ZFR2: variants seen among roughly 807,000 people sequenced by gnomAD.
ZFR2 encodes zinc finger RNA binding protein 2, also known as zinc finger RNA-binding protein 2.
A neutral mutation model predicts 105.7 loss-of-function variants in ZFR2; 104 were observed. The observed-to-expected ratio is 0.98, with a 90% CI of 0.84 to 1.16. The LOEUF (loss-of-function observed/expected upper bound fraction) is 1.16, where lower values mean the gene tolerates loss of function less well. Among genes scored for constraint, ZFR2 ranks in the 50% most tolerant of loss-of-function variants. ZFR2 has a pLI of 0.00. For synonymous variants in ZFR2, 634 were observed against 597.7 expected, an observed-to-expected ratio of 1.06 and a Z score of -0.89; for missense variants, 1,425 against 1,355.5, an observed-to-expected ratio of 1.05 and a Z score of -0.80.
rs1444534364 is a variant in ZFR2 at position 3,810,714 on chromosome 19, C to T, written c.2433+36G>A. 3.3e-6 allele frequency: 5 copies of T among 1,534,408 alleles called. No homozygotes were observed. The African/African-American group carries it at 4.1e-5, about 13-fold the overall frequency. ...CAGGGCCATGGAGGCCCTTGGGGGT[C>T]CCAGTGGAGGGCCGGGCCGCCAGGC... On this transcript the variant is annotated intron_variant, in intron 16 of 18. Transcript: ENST00000262961.
At chr19:3,829,850 A>G (rs1482740673) in intron 5 of ZFR2, among the ~76,000 whole-genome samples, 1 of 152,210 alleles carries the variant, frequency 6.6e-6, no homozygotes, top group African/African-American at 2.4e-5. Flanking sequence ...CGTATACTGC[A>G]GTAATTAGCC....
rs202237601 is a variant in ZFR2, at chr19:3,811,300, G to T, written c.2309C>A (p.Ala770Asp). 92 of 1,602,312 alleles carry T rather than the reference G, an allele frequency of 5.7e-5. No individual in the cohort carries two copies. The highest frequency in any genetic ancestry group is 3.9e-4 in the Admixed American group (23 of 58,710). ...LSPKKCLESL[A>D]ALRHARWFQA... The stretch of plus-strand genomic sequence containing the variant: ...AAACCACCTGGCATGACGGAGGGCG[G>T]CCAGGGACTCGAGGCACTTCTTGGG... Residue 770 changes from alanine (A) to aspartate (D), a missense_variant, in exon 15 of 19, where the codon GCC (alanine) becomes GAC (aspartate). Coordinates refer to ENST00000262961, the MANE Select transcript of ZFR2 (RefSeq NM_015174.2).
intron 1 of ZFR2, among the ~76,000 whole-genome samples, chr19:3,864,109 T>C (rs2145197955): frequency 6.6e-6 from 1 of 152,198 alleles, no homozygotes; most frequent in East Asian, 1.9e-4. Flanking sequence ...AGAATCTAAT[T>C]GCAGGGAGGA....
chr19:3,808,505 C>T (rs1568415867), intron 17 of ZFR2, among the ~76,000 whole-genome samples: 1 of 152,270 alleles, frequency 6.6e-6, no homozygotes, highest in Non-Finnish European at 1.5e-5. Flanking sequence ...TGGCTGTTCC[C>T]TCTGGATAAT....
intron 1 of ZFR2, among the ~76,000 whole-genome samples, chr19:3,836,513 G>A (rs776640341): frequency 2.0e-5 from 3 of 152,058 alleles, no homozygotes; most frequent in East Asian, 1.9e-4. Flanking sequence ...GTAGAGGTGG[G>A]GTCTCACTAT....
chr19:3,830,516 G>T (rs1051061450), intron 5 of ZFR2, among the ~76,000 whole-genome samples: 2 of 152,136 alleles, frequency 1.3e-5, no homozygotes, highest in African/African-American at 4.8e-5. Context: ...GTGGAGAGCT[G>T]CTGGAGGAAA....
At chr19:3,861,060 G>C (rs2038367739) in intron 1 of ZFR2, among the ~76,000 whole-genome samples, 1 of 152,160 alleles carries the variant, frequency 6.6e-6, no homozygotes, top group Non-Finnish European at 1.5e-5. Flanking sequence ...CTCCCAAGGG[G>C]CAGAGCTCAC....
In ZFR2 at chr19:3,825,382, C is replaced by T. The variant is rs1267220922; in HGVS notation, c.1061G>A (p.Gly354Glu). 1 of 1,586,428 alleles carries T rather than the reference C, an allele frequency of 6.3e-7. No homozygotes were observed. Among genetic ancestry groups the T allele is most frequent in the Non-Finnish European group, 8.6e-7 (1 of 1,168,728 alleles). ...QKVFKLHAKLGKPIPTLEPAL... is the reference protein window; with the variant it reads ...QKVFKLHAKLEKPIPTLEPAL... ...AGGCTCGAGGGTGGGAATGGGCTTCCCCAGTTTGGCGTGCAGCTTGAAGAC... is the reference window on the plus strand; with the variant it reads ...AGGCTCGAGGGTGGGAATGGGCTTCTCCAGTTTGGCGTGCAGCTTGAAGAC... Residue 354 changes from glycine (G) to glutamate (E), a missense_variant, in exon 7 of 19, where the codon GGG becomes GAG. Coordinates refer to ENST00000262961, the MANE Select transcript of ZFR2 (RefSeq NM_015174.2).
At chr19:3,862,829 GA>G (rs531189222) in intron 1 of ZFR2, among the ~76,000 whole-genome samples, 83 of 152,346 alleles carry the variant, frequency 5.4e-4, no homozygotes, top group Admixed American at 5.2e-3. Flanking sequence ...AGAAGGGCGT[GA>G]AAAAGACCGC....
intron 15 of ZFR2, 50 bp from the exon 16 acceptor site, chr19:3,810,895 CG>C: frequency 6.5e-7 from 1 of 1,536,316 alleles, no homozygotes; most frequent in South Asian, 1.2e-5. Context: ...CGTGGCCACA[CG>C]GCATGGCGCC....
At chr19:3,816,276 C>T (rs981202909) in intron 13 of ZFR2, among the ~76,000 whole-genome samples, 6 of 137,254 alleles carry the variant, frequency 4.4e-5, no homozygotes, top group African/African-American at 1.7e-4. Context: ...GACCCAGTCT[C>T]GCTCTGTCGC....
chr19:3,830,192 T>C (rs1171448181), intron 5 of ZFR2, among the ~76,000 whole-genome samples: 1 of 152,046 alleles, frequency 6.6e-6, no homozygotes, highest in African/African-American at 2.4e-5. Flanking sequence ...TAATCCCAGC[T>C]ACTCAGGAGG....
At chr19:3,843,796 C>T (rs1182241514) in intron 1 of ZFR2, among the ~76,000 whole-genome samples, 1 of 150,748 alleles carries the variant, frequency 6.6e-6, no homozygotes, top group Non-Finnish European at 1.5e-5. Flanking sequence ...GATCACACCA[C>T]TGCACTCCAG....
In ZFR2 at chr19:3,810,828, C is replaced by T. The variant is rs1465676310; in HGVS notation, c.2355G>A (p.Leu785=). 2 of 1,550,324 alleles carry T rather than the reference C, an allele frequency of 1.3e-6. No individual in the cohort carries two copies. The highest frequency in any genetic ancestry group is 1.7e-6 in the Non-Finnish European group (2 of 1,146,774). The part of the protein sequence containing the change: ...ARWFQARASG[L]QPCVIVIRVL... ...CCCTGATGACGATCACGCATGGCTG[C>T]AGGCCGCTGGCTCGAGCCTTCGGGG... Residue 785 remains leucine (L), a synonymous_variant, in exon 16 of 19, where the codon CTG becomes CTA. Transcript: ENST00000262961.
At chr19:3,837,206 C>T (rs1158480115) in intron 1 of ZFR2, among the ~76,000 whole-genome samples, 4 of 152,186 alleles carry the variant, frequency 2.6e-5, no homozygotes, top group African/African-American at 4.8e-5. Flanking sequence ...GGTGCAATCT[C>T]GGCTCACTGC....
In ZFR2 at chr19:3,819,061, C is replaced by G. The variant is rs745889909; in HGVS notation, c.1915G>C (p.Glu639Gln). The change falls in exon 12 of 19, where the codon GAG becomes CAG. Residue 639 changes from glutamate to glutamine, a missense_variant. Glu to Gln is a conservative substitution (Grantham distance 29, BLOSUM62 2). Coordinates refer to ENST00000262961, the MANE Select transcript of ZFR2 (RefSeq NM_015174.2). Reference sequence around the variant, plus strand: ...TCCAATGACCTGCGCTTGTCACCCTCTTCCTCTCGGCGGCCCCGGTCCTCC... The same window carrying G: ...TCCAATGACCTGCGCTTGTCACCCTGTTCCTCTCGGCGGCCCCGGTCCTCC... Reference protein sequence around the residue: ...AEEDRGRREEEGDKRSSVAPQ... With the variant: ...AEEDRGRREEQGDKRSSVAPQ... 2 of 1,612,416 alleles carry G rather than the reference C, an allele frequency of 1.2e-6. No homozygotes were observed. The highest frequency in any genetic ancestry group is 1.7e-5 in the Admixed American group (1 of 59,974).
At chr19:3,840,936 G>C (rs1007628026) in intron 1 of ZFR2, among the ~76,000 whole-genome samples, 7 of 152,266 alleles carry the variant, frequency 4.6e-5, no homozygotes, top group Admixed American at 3.3e-4. Flanking sequence ...TGGTGACCGG[G>C]GGCCAGCATG....
chr19:3,859,440 A>G (rs2038345760), intron 1 of ZFR2, among the ~76,000 whole-genome samples: 1 of 152,170 alleles, frequency 6.6e-6, no homozygotes, highest in Admixed American at 6.5e-5. Flanking sequence ...CGTGTGAGTC[A>G]CTTCTCCTGG....
intron 1 of ZFR2, among the ~76,000 whole-genome samples, chr19:3,865,967 G>A (rs899331799): frequency 1.3e-5 from 2 of 151,940 alleles, no homozygotes; most frequent in South Asian, 2.1e-4. Context: ...TCAGCCTCCC[G>A]AGTAACTGGG....
Sources: allele counts gnomAD v4.1 joint callset (sites outside exome capture counted in the v4.1 genomes callset), GRCh38; gene constraint gnomAD v4.1.1; transcripts MANE v1.5; gene names NCBI Gene and HGNC (gene_info 2026-07-23, HGNC 2026-07-21).